SASH1: variants seen among roughly 807,000 people sequenced by gnomAD.
The protein encoded by SASH1 is SAM and SH3 domain containing 1, also known as SAM and SH3 domain-containing protein 1.
In SASH1, 44 loss-of-function variants were observed where a neutral mutation model predicts 125.2. The ratio of observed to expected loss-of-function variants is 0.35; its 90% CI spans 0.28 to 0.45. The LOEUF (loss-of-function observed/expected upper bound fraction) is 0.45, where lower values mean the gene tolerates loss of function less well. Ranked by LOEUF, SASH1 falls within the 20% of genes least tolerant of loss-of-function variation. SASH1 has a pLI of 1.00. For missense variants in SASH1, 1,426 were observed against 1,614.5 expected (o/e 0.88, Z 2.00); for synonymous variants, 639 against 649.1 (o/e 0.98, Z 0.24).
In SASH1 at chr6:148,390,195, GT is replaced by G; in HGVS notation, c.221del (p.Phe74SerfsTer69). ...CAGTATGCAGATTATTACAACACCT[GT>G]TTCTCCGACGTGTGCGAGAGGATGG... ...AQQYADYYNT[C>X]FSDVCERMEE... On this transcript the variant is annotated frameshift_variant, in exon 2 of 20. Transcript: ENST00000367467. LOFTEE classifies it high-confidence loss of function. 6.2e-7 allele frequency: 1 copy of G among 1,613,616 alleles called. No homozygotes were observed. The highest frequency in any genetic ancestry group is 8.5e-7 in the Non-Finnish European group (1 of 1,179,886).
Position 148,327,812 on chromosome 6 carries a change from A to G in SASH1, n.74+55435A>G, listed in dbSNP as rs146301884. 4.7e-4 allele frequency among the ~76,000 whole-genome samples: 71 copies of G among 151,312 alleles called. No homozygotes were observed. The East Asian group carries it at 0.01, about 22-fold the overall frequency. ...AAAAATTAGCTGGAGGTGGTGGCAC[A>G]TGCCTATAATCCCAGCTACTCTGGA... On this transcript the variant is annotated intron_variant and non_coding_transcript_variant, in intron 1 of 3. Coordinates refer to the SASH1 transcript ENST00000367469.
the SASH1 span, among the ~76,000 whole-genome samples, chr6:148,212,254 T>C: frequency 6.6e-6 from 1 of 152,238 alleles, no homozygotes; most frequent in Non-Finnish European, 1.5e-5. Context: ...AGCAGGACAC[T>C]GTGCAAAATG....
chr6:148,247,099 A>G, the SASH1 span, among the ~76,000 whole-genome samples: 1 of 152,246 alleles, frequency 6.6e-6, no homozygotes, highest in Non-Finnish European at 1.5e-5. Flanking sequence ...GCCATGGTCC[A>G]TGGACTAGCT....
In SASH1 at chr6:148,370,002, A is replaced by G. The variant is rs539739461; in HGVS notation, c.157-20132A>G. Among the ~76,000 whole-genome samples the G allele has an allele frequency of 1.2e-4, 18 of 147,092 alleles. No individual in the cohort carries two copies. The East Asian group carries it at 3.5e-3, about 29-fold the overall frequency. On this transcript the variant is annotated intron_variant, in intron 1 of 19. Transcript: ENST00000367467. The stretch of plus-strand genomic sequence containing the variant: ...AAAAAAAAAAGGAAAGAAAAACCCA[A>G]CCCAAACCAGCAAAAACAAAAATCC...
intron 1 of SASH1, among the ~76,000 whole-genome samples, chr6:148,306,494 C>T (rs985981412): frequency 1.3e-5 from 2 of 152,282 alleles, no homozygotes; most frequent in Admixed American, 6.5e-5. Context: ...AGGTTGCTTT[C>T]TGCTTCCAAT....
At chr6:148,210,051 T>C in the SASH1 span, among the ~76,000 whole-genome samples, 1 of 152,158 alleles carries the variant, frequency 6.6e-6, no homozygotes, top group Non-Finnish European at 1.5e-5. Flanking sequence ...TGACCACATA[T>C]TGAAATTATG....
chr6:148,352,108 C>G (rs1234246233), intron 1 of SASH1, among the ~76,000 whole-genome samples: 1 of 152,202 alleles, frequency 6.6e-6, no homozygotes, highest in East Asian at 1.9e-4. Flanking sequence ...TCTTAGAAAA[C>G]TGATAGGTAG....
chr6:148,392,274 G>T (rs59330916), intron 2 of SASH1, among the ~76,000 whole-genome samples: 21,552 of 135,778 alleles, frequency 0.16, 1,539 homozygotes, highest in South Asian at 0.27. Flanking sequence ...CAACAAGAGT[G>T]AAACTCTGTC....
At chr6:148,343,750 TGC>T (rs1781423312) in intron 1 of SASH1, among the ~76,000 whole-genome samples, 3 of 152,244 alleles carry the variant, frequency 2.0e-5, no homozygotes, top group African/African-American at 7.2e-5. Flanking sequence ...GGACTTATTT[TGC>T]TAAATCTGTG....
At chr6:148,229,269 G>C in the SASH1 span, among the ~76,000 whole-genome samples, 1 of 150,732 alleles carries the variant, frequency 6.6e-6, no homozygotes, top group Non-Finnish European at 1.5e-5. Flanking sequence ...GTACAGGATA[G>C]AATTGCCCTG....
intron 2 of SASH1, among the ~76,000 whole-genome samples, chr6:148,435,239 G>A (rs529103881): frequency 2.6e-5 from 4 of 152,092 alleles, no homozygotes; most frequent in African/African-American, 9.6e-5. Flanking sequence ...TTATCTGGGC[G>A]TGGTGGTGGG....
intron 1 of SASH1, among the ~76,000 whole-genome samples, chr6:148,316,498 G>A (rs1582955657): frequency 1.3e-5 from 2 of 152,206 alleles, no homozygotes; most frequent in Admixed American, 6.5e-5. Flanking sequence ...TATTGACTTC[G>A]AACAGCACAC....
chr6:148,537,353 C>T lies in SASH1; in HGVS notation c.2095+2452C>T, dbSNP rs548367767. On this transcript the variant is annotated intron_variant, in intron 16 of 19. Coordinates refer to ENST00000367467, the MANE Select transcript of SASH1 (RefSeq NM_015278.5). ...CTAATTGTCAGATGGCTATTCCTTA[C>T]GCCAAGCCCAGACCCACTATCTTAG... Among the ~76,000 whole-genome samples, 40 of 152,300 alleles carry T rather than the reference C, an allele frequency of 2.6e-4. 1 individual carries two copies. The highest frequency in any genetic ancestry group is 1.4e-3 in the East Asian group (7 of 5,182).
chr6:148,506,907 C>A (rs565375794), intron 8 of SASH1, among the ~76,000 whole-genome samples: 1 of 152,282 alleles, frequency 6.6e-6, no homozygotes, highest in African/African-American at 2.4e-5. Flanking sequence ...TCAGATTCTG[C>A]CCCTGCCATT....
intron 4 of SASH1, among the ~76,000 whole-genome samples, chr6:148,458,180 C>T (rs1050718791): frequency 1.3e-5 from 2 of 152,184 alleles, no homozygotes; most frequent in African/African-American, 4.8e-5. Context: ...TAGTATGGAA[C>T]TTTCTTCCTT....
Position 148,402,344 on chromosome 6 carries a change from T to G in SASH1, c.285+12082T>G, listed in dbSNP as rs145854335. Among the ~76,000 whole-genome samples the G allele has an allele frequency of 1.5e-3, 229 of 152,314 alleles. 2 individuals are homozygous for G. Among genetic ancestry groups the G allele is most frequent in the Non-Finnish European group, 2.1e-3 (144 of 68,024 alleles). On this transcript the variant is annotated intron_variant, in intron 2 of 19. Coordinates refer to ENST00000367467, the MANE Select transcript of SASH1 (RefSeq NM_015278.5). ...TTGTTTTTTTGTTTAAGAGTCTTGCTCTGTCACCCAGGCTGGAGTGAAGTG... is the reference window on the plus strand; with the variant it reads ...TTGTTTTTTTGTTTAAGAGTCTTGCGCTGTCACCCAGGCTGGAGTGAAGTG...
chr6:148,250,364 G>T, the SASH1 span, among the ~76,000 whole-genome samples: 2 of 151,992 alleles, frequency 1.3e-5, no homozygotes, highest in Non-Finnish European at 2.9e-5. Context: ...TCTAATTCTG[G>T]CTAACAGAGA....
At chr6:148,286,675 C>G (rs1779491020) in intron 1 of SASH1, among the ~76,000 whole-genome samples, 1 of 152,124 alleles carries the variant, frequency 6.6e-6, no homozygotes, top group African/African-American at 2.4e-5. Context: ...CCCTCCTCTT[C>G]TAGAAGGACA....
At chr6:148,223,395 G>C in the SASH1 span, among the ~76,000 whole-genome samples, 3 of 152,228 alleles carry the variant, frequency 2.0e-5, no homozygotes, top group African/African-American at 7.2e-5. Context: ...CTGGAATCAA[G>C]TCACTGCTTT....
Sources: allele counts gnomAD v4.1 joint callset (sites outside exome capture counted in the v4.1 genomes callset), GRCh38; gene constraint gnomAD v4.1.1; transcripts MANE v1.5; gene names NCBI Gene and HGNC (gene_info 2026-07-23, HGNC 2026-07-21).